The following PTK2 variants were observed in gnomAD, a reference collection of about 807,000 sequenced individuals.
PTK2 encodes protein tyrosine kinase 2.
A neutral mutation model predicts 150.1 loss-of-function variants in PTK2; 45 were observed. The observed-to-expected ratio is 0.30, with a 90% CI of 0.24 to 0.38. The LOEUF (loss-of-function observed/expected upper bound fraction) is 0.38, where lower values mean the gene tolerates loss of function less well. Among genes scored for constraint, PTK2 ranks in the 10% least tolerant of loss-of-function variants. The probability of loss-of-function intolerance (pLI) is 1.00; values close to 1 mark genes in which losing one functional copy is unlikely to be tolerated. For synonymous variants in PTK2, 432 were observed against 449.2 expected (o/e 0.96, Z 0.48); for missense variants, 919 against 1,307.3 (o/e 0.70, Z 4.58).
intron 5 of PTK2, among the ~76,000 whole-genome samples, chr8:140,860,603 A>C (rs2100135491): frequency 6.6e-6 from 1 of 152,168 alleles, no homozygotes; most frequent in Admixed American, 6.5e-5. Context: ...GCTCCTCAGT[A>C]GCTGGGATAC....
At chr8:140,678,236 C>T (rs2100014989) in intron 27 of PTK2, among the ~76,000 whole-genome samples, 2 of 152,068 alleles carry the variant, frequency 1.3e-5, no homozygotes, top group South Asian at 2.1e-4. Context: ...TTGGTAAAAA[C>T]GGGGTTTCAC....
At chr8:140,745,435 G>A (rs1015746176) in intron 18 of PTK2, among the ~76,000 whole-genome samples, 22 of 152,140 alleles carry the variant, frequency 1.4e-4, no homozygotes, top group African/African-American at 4.6e-4. Flanking sequence ...TTTTTGAGCC[G>A]GAAGAATTAG....
At chr8:140,909,375 A>T (rs370720778) in intron 2 of PTK2, among the ~76,000 whole-genome samples, 75 of 152,332 alleles carry the variant, frequency 4.9e-4, no homozygotes, top group African/African-American at 1.7e-3. Flanking sequence ...GACCCTATAG[A>T]TTACAGGACA....
chr8:140,782,119 A>C (rs1028630852), intron 14 of PTK2, among the ~76,000 whole-genome samples: 14 of 152,208 alleles, frequency 9.2e-5, no homozygotes, highest in Admixed American at 7.9e-4. Context: ...TACTAGGAAC[A>C]GATCAATAAC....
intron 1 of PTK2, among the ~76,000 whole-genome samples, chr8:140,998,230 C>T (rs1430356847): frequency 6.6e-6 from 1 of 152,070 alleles, no homozygotes. Context: ...TTTAGAATGC[C>T]TAAACTGAAA....
At chr8:140,741,355 T>C (rs1249827714) in intron 20 of PTK2, among the ~76,000 whole-genome samples, 1 of 151,490 alleles carries the variant, frequency 6.6e-6, no homozygotes, top group Admixed American at 6.6e-5. Context: ...CTCAGGAGGC[T>C]GCGGCAGGAG....
At chr8:140,798,412 T>C (rs1477194483) in intron 12 of PTK2, among the ~76,000 whole-genome samples, 1 of 152,198 alleles carries the variant, frequency 6.6e-6, no homozygotes, top group Non-Finnish European at 1.5e-5. Context: ...ATAATTCATT[T>C]TATAAAGACA....
At position 140,938,256 on chromosome 8, in the gene PTK2, G is replaced by A. The variant is rs150763218; in HGVS notation, c.-121-12507C>T. 5.9e-5 allele frequency among the ~76,000 whole-genome samples: 9 copies of A among 152,272 alleles called. No homozygotes were observed. In the East Asian group the frequency reaches 1.5e-3, roughly 26 times the overall value. ...TTTGACCGCTCTGTGACCCAGCCAC[G>A]TGCAGGTTTTCCCTAGCAAGCTTGA... On this transcript the variant is annotated intron_variant, in intron 1 of 31. Coordinates refer to ENST00000522684, the Ensembl canonical transcript of PTK2.
chr8:140,748,815 A>T lies in PTK2; in HGVS notation c.1418-1955T>A, dbSNP rs2100061090. On this transcript the variant is annotated intron_variant, in intron 17 of 31. Coordinates refer to ENST00000522684, the Ensembl canonical transcript of PTK2. Reference sequence around the variant, plus strand: ...TATACTAGGATTAGTAAGACACAGGACAGACTTCACAGAACTATAGGATCT... The same window carrying T: ...TATACTAGGATTAGTAAGACACAGGTCAGACTTCACAGAACTATAGGATCT... Among the ~76,000 whole-genome samples, 3 of 152,334 alleles carry T rather than the reference A, an allele frequency of 2.0e-5. No individual in the cohort carries two copies. The South Asian group carries it at 6.2e-4, about 32-fold the overall frequency.
intron 3 of PTK2, 62 bp downstream of exon 3, chr8:140,890,480 TA>T: frequency 7.5e-7 from 1 of 1,338,102 alleles, no homozygotes; most frequent in African/African-American, 1.5e-5. Flanking sequence ...TCTTTTTTCA[TA>T]CATGCCATTA....
chr8:140,780,410 G>A (rs1337331663), intron 14 of PTK2, among the ~76,000 whole-genome samples: 1 of 152,006 alleles, frequency 6.6e-6, no homozygotes, highest in Non-Finnish European at 1.5e-5. Flanking sequence ...GGGAGGGGGG[G>A]AATCAAGCCC....
At chr8:140,830,557 T>C (rs765108800) in intron 7 of PTK2, 31 bp from the exon 8 acceptor site, 1 of 1,253,454 alleles carries the variant, frequency 8.0e-7, no homozygotes, top group Non-Finnish European at 1.1e-6. Context: ...TATTAACAAA[T>C]AACACCACCA....
chr8:140,826,702 G>C (rs928771505), intron 8 of PTK2, among the ~76,000 whole-genome samples: 3 of 152,138 alleles, frequency 2.0e-5, no homozygotes, highest in African/African-American at 7.2e-5. Flanking sequence ...GATGGCTTAA[G>C]TCAGGAGTTT....
intron 1 of PTK2, among the ~76,000 whole-genome samples, chr8:140,937,299 A>G (rs1481655835): frequency 6.6e-6 from 1 of 152,188 alleles, no homozygotes; most frequent in Non-Finnish European, 1.5e-5. Context: ...TTCCTGAGGA[A>G]ATTATAATTT....
rs113522517 is a variant in PTK2 at position 140,838,757 on chromosome 8, A to G, written c.593+7503T>C. 5.4e-3 allele frequency among the ~76,000 whole-genome samples: 815 copies of G among 152,330 alleles called. 9 individuals carry two copies. The highest frequency in any genetic ancestry group is 0.018 in the African/African-American group (744 of 41,584). The stretch of plus-strand genomic sequence containing the variant: ...CGCGGTGGCTCACGCTTGTAAGCCC[A>G]GCACTTTGGGAGGCCGAGGCGGGCG... On this transcript the variant is annotated intron_variant, in intron 7 of 31. Transcript: ENST00000522684.
intron 22 of PTK2, among the ~76,000 whole-genome samples, chr8:140,731,949 A>C (rs1414940245): frequency 1.3e-5 from 2 of 152,168 alleles, no homozygotes; most frequent in African/African-American, 4.8e-5. Context: ...GATGAGGGGA[A>C]TCCCACAGTA....
At chr8:140,663,794 C>T (rs1234560553) in intron 31 of PTK2, among the ~76,000 whole-genome samples, 1 of 152,042 alleles carries the variant, frequency 6.6e-6, no homozygotes, top group Non-Finnish European at 1.5e-5. Context: ...CTGCTTCAGC[C>T]TCCTGAGTAG....
intron 1 of PTK2, among the ~76,000 whole-genome samples, chr8:140,992,399 G>T (rs896578541): frequency 6.6e-6 from 1 of 152,096 alleles, no homozygotes; most frequent in Non-Finnish European, 1.5e-5. Context: ...GAACCCTAGA[G>T]GTAGAGGTTG....
At chr8:140,873,686 G>A (rs372731199) in intron 4 of PTK2, among the ~76,000 whole-genome samples, 74 of 152,142 alleles carry the variant, frequency 4.9e-4, no homozygotes, top group African/African-American at 1.7e-3. Context: ...GGCTGGTCTC[G>A]AACTCTTGAC....
Sources: allele counts gnomAD v4.1 joint callset (sites outside exome capture counted in the v4.1 genomes callset), GRCh38; gene constraint gnomAD v4.1.1; transcripts MANE v1.5; gene names NCBI Gene and HGNC (gene_info 2026-07-23, HGNC 2026-07-21).